TEX2: variants seen among roughly 807,000 people sequenced by gnomAD.
TEX2 encodes the protein testis expressed 2.
Under a neutral mutation model 106.9 loss-of-function variants are expected in TEX2, and 53 were observed. The observed-to-expected ratio is 0.50, with a 90% CI of 0.40 to 0.62. The LOEUF (loss-of-function observed/expected upper bound fraction) is 0.62. Among genes scored for constraint, TEX2 ranks in the 20% least tolerant of loss-of-function variants. The pLI, the probability that TEX2 is intolerant of heterozygous loss-of-function variation, is 0.00. For synonymous variants in TEX2, 523 were observed against 534.8 expected, an observed-to-expected ratio of 0.98 and a Z score of 0.30; for missense variants, 1,207 against 1,379.0, an observed-to-expected ratio of 0.88 and a Z score of 1.98.
chr17:64,175,782 C>T (rs898687813), intron 6 of TEX2, among the ~76,000 whole-genome samples: 2 of 152,162 alleles, frequency 1.3e-5, no homozygotes, highest in Non-Finnish European at 2.9e-5. Flanking sequence ...GAGCAGCATC[C>T]CACCTGGAGT....
chr17:64,171,112 C>T lies in TEX2; in HGVS notation c.2659G>A (p.Val887Ile), dbSNP rs766293684. 19 of 1,613,530 alleles carry T rather than the reference C, an allele frequency of 1.2e-5. No individual in the cohort carries two copies. The Middle Eastern group carries it at 4.9e-4, about 42-fold the overall frequency. Residue 887 changes from valine (V) to isoleucine (I), a missense_variant, in exon 7 of 12, where the codon GTT becomes ATT. Coordinates refer to ENST00000584379, the MANE Select transcript of TEX2 (RefSeq NM_001288732.2). ...AGTTAGGAGTTACCTTGGTGATCAA[C>T]GTAAGGCTTGAAGGCCTGGAGGATT... The part of the protein sequence containing the change: ...PKILQAFKPY[V>I]DHQGLWIDLE...
chr17:64,250,830 T>C (rs2034075748), intron 1 of TEX2, among the ~76,000 whole-genome samples: 1 of 152,082 alleles, frequency 6.6e-6, no homozygotes, highest in African/African-American at 2.4e-5. Flanking sequence ...CACAGGTGCA[T>C]GTCACCATGC....
chr17:64,240,686 GTC>G (rs2033871304), intron 1 of TEX2, among the ~76,000 whole-genome samples: 1 of 152,190 alleles, frequency 6.6e-6, no homozygotes, highest in South Asian at 2.1e-4. Flanking sequence ...TGGCATAAGT[GTC>G]TGTCTCCTTG....
At chr17:64,180,645 G>A (rs960427308) in intron 5 of TEX2, among the ~76,000 whole-genome samples, 2 of 152,238 alleles carry the variant, frequency 1.3e-5, no homozygotes, top group African/African-American at 4.8e-5. Flanking sequence ...TGAAATGTGT[G>A]GAGGATATTC....
intron 4 of TEX2, 68 bp from the exon 5 acceptor site, chr17:64,188,483 G>T: frequency 6.3e-7 from 1 of 1,596,932 alleles, no homozygotes; most frequent in South Asian, 1.1e-5. Flanking sequence ...CGGACTCCCT[G>T]AGAAAAGCAG....
intron 6 of TEX2, among the ~76,000 whole-genome samples, chr17:64,173,572 C>G (rs544408793): frequency 9.2e-5 from 14 of 152,092 alleles, no homozygotes; most frequent in Non-Finnish European, 2.1e-4. Flanking sequence ...CTATGACGAA[C>G]AAAACGTGAG....
chr17:64,179,250 C>G (rs1012939203), intron 5 of TEX2, among the ~76,000 whole-genome samples: 4 of 152,116 alleles, frequency 2.6e-5, no homozygotes, highest in Non-Finnish European at 4.4e-5. Context: ...ATAAAACGCA[C>G]CAATCAGCGC....
At chr17:64,152,026 C>T (rs779072434) in intron 10 of TEX2, among the ~76,000 whole-genome samples, 12 of 152,170 alleles carry the variant, frequency 7.9e-5, no homozygotes, top group South Asian at 4.2e-4. Flanking sequence ...CCAGCATTAT[C>T]GTTAAATGGT....
rs146986507 is a variant in TEX2, at chr17:64,188,223, C to A, written c.2369G>T (p.Ser790Ile). The change falls in exon 5 of 12, where the codon AGC becomes ATC. Residue 790 changes from serine (S) to isoleucine (I), a missense_variant. Ser to Ile is a moderately radical substitution (Grantham distance 142, BLOSUM62 -2). Transcript: ENST00000584379. ...ACTCTGCAGGGGGCTCCTCTGGGGGCTTCGGCTTTCCTGGGGGACACACCT... is the reference window on the plus strand; with the variant it reads ...ACTCTGCAGGGGGCTCCTCTGGGGGATTCGGCTTTCCTGGGGGACACACCT... ...MGRCVPQESR[S>I]PQRSPLQSAE... 3 of 1,612,976 alleles carry A rather than the reference C, an allele frequency of 1.9e-6. No individual in the cohort carries two copies. The highest frequency in any genetic ancestry group is 2.5e-6 in the Non-Finnish European group (3 of 1,180,050).
At chr17:64,218,869 T>C (rs957911156) in intron 1 of TEX2, among the ~76,000 whole-genome samples, 2 of 152,000 alleles carry the variant, frequency 1.3e-5, no homozygotes, top group African/African-American at 4.8e-5. Context: ...AGGCCTCACT[T>C]AGACTGGAGG....
chr17:64,168,142 G>A lies in TEX2; in HGVS notation c.2671+2958C>T, dbSNP rs970658060. 1.3e-4 allele frequency among the ~76,000 whole-genome samples: 20 copies of A among 152,292 alleles called. 1 individual carries two copies. Among genetic ancestry groups the A allele is most frequent in the African/African-American group, 4.8e-4 (20 of 41,558 alleles). On this transcript the variant is annotated intron_variant, in intron 7 of 11. Coordinates refer to ENST00000584379, the MANE Select transcript of TEX2 (RefSeq NM_001288732.2). The stretch of plus-strand genomic sequence containing the variant: ...CCTGGGTCGCATTTCCCTGGAAGGT[G>A]AGCTCTGCTTTTCAGAGTCAGTTTG...
chr17:64,188,469 TA>T (rs1177258485), intron 4 of TEX2, 54 bp from the exon 5 acceptor site: 6 of 1,510,958 alleles, frequency 4.0e-6, no homozygotes, highest in Middle Eastern at 1.7e-4. Flanking sequence ...AACTGCAAAG[TA>T]AGCGGACTCC....
intron 2 of TEX2, among the ~76,000 whole-genome samples, chr17:64,200,727 G>C (rs1315776358): frequency 1.3e-5 from 2 of 152,180 alleles, no homozygotes; most frequent in East Asian, 3.9e-4. Context: ...AGGCAGAAGT[G>C]AGAGGCAAGA....
intron 1 of TEX2, among the ~76,000 whole-genome samples, chr17:64,223,167 G>C (rs1368294089): frequency 2.0e-5 from 3 of 152,176 alleles, no homozygotes; most frequent in Non-Finnish European, 4.4e-5. Context: ...AGTGGAGTCA[G>C]AGTGAGCGTA....
intron 1 of TEX2, among the ~76,000 whole-genome samples, chr17:64,261,318 G>A (rs1219578570): frequency 3.9e-5 from 6 of 152,038 alleles, no homozygotes; most frequent in African/African-American, 1.4e-4. Flanking sequence ...TTTAACTCCA[G>A]GCAACTGCTT....
At chr17:64,232,233 A>G (rs2143322128) in intron 1 of TEX2, among the ~76,000 whole-genome samples, 1 of 152,332 alleles carries the variant, frequency 6.6e-6, no homozygotes. Flanking sequence ...TTTCGTGGTG[A>G]AAGAGTTATT....
At chr17:64,237,265 T>C (rs1309845003) in intron 1 of TEX2, among the ~76,000 whole-genome samples, 2 of 151,424 alleles carry the variant, frequency 1.3e-5, no homozygotes, top group African/African-American at 4.9e-5. Flanking sequence ...TGGGGGAATC[T>C]GAAGCAGCTT....
rs1217353122 is a variant in TEX2 at position 64,212,762 on chromosome 17, A to T, written c.1456T>A (p.Tyr486Asn). The T allele has an allele frequency of 6.2e-7, 1 of 1,614,180 alleles. No homozygotes were observed. The highest frequency in any genetic ancestry group is 1.3e-5 in the African/African-American group (1 of 75,052). Reference protein sequence around the residue: ...LGFFIMCVYVYLILPLPHYVS... With the variant: ...LGFFIMCVYVNLILPLPHYVS... The stretch of plus-strand genomic sequence containing the variant: ...TAGTGGGGGAGGGGGAGGATGAGGT[A>T]CACATAGACACACATTATAAAGAAG... Residue 486 changes from tyrosine (Y) to asparagine (N), a missense_variant, in exon 2 of 12, where the codon TAC (tyrosine) becomes AAC (asparagine). Tyr to Asn is a moderately radical substitution (Grantham distance 143, BLOSUM62 -2). Transcript: ENST00000584379.
Position 64,195,106 on chromosome 17 carries a change from A to C in TEX2, c.1645-11T>G. On this transcript the variant is annotated splice_polypyrimidine_tract_variant and intron_variant, in intron 2 of 11. Coordinates refer to ENST00000584379, the MANE Select transcript of TEX2 (RefSeq NM_001288732.2). The surrounding 1 kb of genome is among the most constrained non-coding windows in gnomAD (Gnocchi z 4.1). ...CTCATTCATCCATCCCTGATGAAGA[A>C]AAACTTCCATTAGTAATATCAGAAT... 6.2e-7 allele frequency: 1 copy of C among 1,612,778 alleles called. No homozygotes were observed.
Sources: gnomAD v4.1 joint callset for allele counts (sites outside exome capture counted in the v4.1 genomes callset) on GRCh38, gnomAD v4.1.1 for gene constraint, Gnocchi (gnomAD v3.1) non-coding constraint, MANE v1.5 for transcripts, NCBI Gene and HGNC (gene_info 2026-07-23, HGNC 2026-07-21) for gene names.